Variants in CCDC158 observed in about 807,000 individuals in gnomAD.
CCDC158 encodes the protein coiled-coil domain-containing protein 158.
A neutral mutation model predicts 138.6 loss-of-function variants in CCDC158; 116 were observed. The observed-to-expected ratio is 0.84, with a 90% confidence interval of 0.72 to 0.98. The LOEUF (loss-of-function observed/expected upper bound fraction) is 0.98, where lower values mean the gene tolerates loss of function less well. Among genes scored for constraint, CCDC158 ranks in the 50% least tolerant of loss-of-function variants. CCDC158 has a pLI of 0.00. For synonymous variants in CCDC158, 436 were observed against 442.4 expected (o/e 0.99, Z 0.18); for missense variants, 1,265 against 1,306.1 (o/e 0.97, Z 0.48).
intron 22 of CCDC158, among the ~76,000 whole-genome samples, chr4:76,326,337 C>T (rs770317581): frequency 6.6e-6 from 1 of 152,076 alleles, no homozygotes; most frequent in Non-Finnish European, 1.5e-5. Flanking sequence ...TAATCTCATT[C>T]ATAGCATGAA....
At chr4:76,324,235 T>A (rs1720314815) in intron 23 of CCDC158, among the ~76,000 whole-genome samples, 1 of 151,578 alleles carries the variant, frequency 6.6e-6, no homozygotes, top group Non-Finnish European at 1.5e-5. Flanking sequence ...TTGCCCAGGC[T>A]GGAGTGCAAT....
chr4:76,329,501 G>A (rs1035265375), intron 21 of CCDC158, among the ~76,000 whole-genome samples: 5 of 152,082 alleles, frequency 3.3e-5, no homozygotes, highest in Admixed American at 6.5e-5. Context: ...GGAGAATGGC[G>A]TGAACCTAGG....
intron 24 of CCDC158, among the ~76,000 whole-genome samples, chr4:76,323,052 C>T (rs1720179816): frequency 6.6e-6 from 1 of 152,266 alleles, no homozygotes; most frequent in South Asian, 2.1e-4. Flanking sequence ...AAAACCACTC[C>T]TCCTGAGGGA....
chr4:76,327,152 C>T (rs554998680), intron 22 of CCDC158, among the ~76,000 whole-genome samples: 9 of 152,184 alleles, frequency 5.9e-5, no homozygotes, highest in African/African-American at 1.4e-4. Flanking sequence ...AAATGTTTTA[C>T]TGTCCTGAGT....
Position 76,332,911 on chromosome 4 carries a change from C to G in CCDC158, c.2823-420G>C, listed in dbSNP as rs115846889. Among the ~76,000 whole-genome samples the G allele has an allele frequency of 7.5e-3, 1,135 of 152,286 alleles. 10 individuals carry two copies. Among genetic ancestry groups the G allele is most frequent in the African/African-American group, 0.026 (1,064 of 41,548 alleles). Reference sequence around the variant, plus strand: ...GAGCAAGGGTCTGTAACTTTTACTTCTGGCTTTTCCTCTGCTTCATAGGAG... The same window carrying G: ...GAGCAAGGGTCTGTAACTTTTACTTGTGGCTTTTCCTCTGCTTCATAGGAG... On this transcript the variant is annotated intron_variant, in intron 19 of 24. Coordinates refer to ENST00000682701, the MANE Select transcript of CCDC158 (RefSeq NM_001394954.1).
intron 24 of CCDC158, among the ~76,000 whole-genome samples, chr4:76,314,738 G>A (rs184902642): frequency 1.1e-3 from 170 of 152,278 alleles, no homozygotes; most frequent in Middle Eastern, 6.8e-3. Flanking sequence ...TCTCCAGCTC[G>A]AGCCCAGGGA....
rs80198632 is a variant in CCDC158, at chr4:76,324,834, C to T, written c.3169+1023G>A. Among the ~76,000 whole-genome samples, 487 of 152,170 alleles carry T rather than the reference C, an allele frequency of 3.2e-3. 11 individuals carry two copies. In the East Asian group the frequency reaches 0.057, roughly 18 times the overall value. On this transcript the variant is annotated intron_variant, in intron 23 of 24. Coordinates refer to ENST00000682701, the MANE Select transcript of CCDC158 (RefSeq NM_001394954.1). Reference sequence around the variant, plus strand: ...TTCATCCTTTCTGAGGCAAGTATACCCTTTACCTATGGTATAGAGGCCCTG... The same window carrying T: ...TTCATCCTTTCTGAGGCAAGTATACTCTTTACCTATGGTATAGAGGCCCTG...
intron 12 of CCDC158, among the ~76,000 whole-genome samples, chr4:76,366,664 T>G (rs1724700505): frequency 7.8e-6 from 1 of 127,958 alleles, no homozygotes; most frequent in African/African-American, 2.9e-5. Flanking sequence ...CACACGGCAA[T>G]ATAGAATGTG....
At chr4:76,381,948 T>A (rs1369839704) in intron 8 of CCDC158, among the ~76,000 whole-genome samples, 8 of 152,244 alleles carry the variant, frequency 5.3e-5, no homozygotes, top group South Asian at 2.1e-4. Flanking sequence ...CCCAAAGTGC[T>A]GGGAATATAG....
intron 1 of CCDC158, among the ~76,000 whole-genome samples, chr4:76,415,766 G>T (rs1188647723): frequency 6.6e-6 from 1 of 152,178 alleles, no homozygotes; most frequent in East Asian, 1.9e-4. Context: ...CCACCAAAGG[G>T]CTCCTTGGTC....
intron 4 of CCDC158, among the ~76,000 whole-genome samples, chr4:76,390,368 A>G (rs940458173): frequency 5.3e-5 from 8 of 152,100 alleles, no homozygotes; most frequent in Non-Finnish European, 8.8e-5. Flanking sequence ...GTAAAAAAAC[A>G]TACAACAGAT....
Position 76,370,531 on chromosome 4 carries a change from C to T in CCDC158, c.1149+886G>A, listed in dbSNP as rs964993999. 4.6e-5 allele frequency among the ~76,000 whole-genome samples: 7 copies of T among 152,032 alleles called. No individual in the cohort carries two copies. The East Asian group carries it at 7.7e-4, about 17-fold the overall frequency. On this transcript the variant is annotated intron_variant, in intron 10 of 24. Transcript: ENST00000682701. ...GAGCTACATTTTAGAGAGATGTATG[C>T]GGCAGCCCTTTACAGGAAGGAGTGA...
At chr4:76,356,203 A>C (rs1428247062) in intron 14 of CCDC158, among the ~76,000 whole-genome samples, 1 of 152,182 alleles carries the variant, frequency 6.6e-6, no homozygotes, top group Non-Finnish European at 1.5e-5. Context: ...CTTCTCATTA[A>C]CAAGATACAG....
At chr4:76,384,786 T>C (rs1726635974) in intron 4 of CCDC158, 121 bp from the exon 5 acceptor site, 1 of 664,230 alleles carries the variant, frequency 1.5e-6, no homozygotes. Flanking sequence ...CTTCCCTCAC[T>C]GCTGCAGTTC....
chr4:76,392,475 C>T (rs1293712343), intron 4 of CCDC158, among the ~76,000 whole-genome samples: 2 of 151,552 alleles, frequency 1.3e-5, no homozygotes, highest in African/African-American at 2.4e-5. Flanking sequence ...AATAATGAAG[C>T]ACACTTACAA....
At chr4:76,378,306 T>C (rs1482766419) in intron 9 of CCDC158, among the ~76,000 whole-genome samples, 2 of 152,208 alleles carry the variant, frequency 1.3e-5, no homozygotes, top group Non-Finnish European at 2.9e-5. Flanking sequence ...TGTTACCCTA[T>C]AGAATTGGTT....
chr4:76,326,136 T>C (rs927387668), intron 22 of CCDC158, 121 bp from the exon 23 acceptor site: 7 of 753,778 alleles, frequency 9.3e-6, no homozygotes, highest in African/African-American at 1.8e-5. Flanking sequence ...CAGGGGGACA[T>C]TCTTCTAAAT....
At chr4:76,391,781 GA>G (rs1437865214) in intron 4 of CCDC158, among the ~76,000 whole-genome samples, 1 of 151,296 alleles carries the variant, frequency 6.6e-6, no homozygotes, top group Non-Finnish European at 1.5e-5. Context: ...GCAAGACTAA[GA>G]AAAAAAGAGA....
At chr4:76,341,878 A>G (rs1005950607) in intron 18 of CCDC158, among the ~76,000 whole-genome samples, 1 of 152,222 alleles carries the variant, frequency 6.6e-6, no homozygotes, top group Non-Finnish European at 1.5e-5. Context: ...AAACTCTATG[A>G]TCCTCATTCA....
Sources: gnomAD v4.1 joint callset for allele counts (sites outside exome capture counted in the v4.1 genomes callset) on GRCh38, gnomAD v4.1.1 for gene constraint, MANE v1.5 for transcripts, NCBI Gene and HGNC (gene_info 2026-07-23, HGNC 2026-07-21) for gene names.